The following LRBA variants were observed in gnomAD, a reference collection of about 807,000 sequenced individuals.
The protein encoded by LRBA is LPS responsive beige-like anchor protein.
In LRBA, 176 loss-of-function variants were observed where a neutral mutation model predicts 330.0. That is an observed-to-expected ratio of 0.53 (90% CI 0.47 to 0.60). The LOEUF (loss-of-function observed/expected upper bound fraction) is 0.60. Among genes scored for constraint, LRBA ranks in the 20% least tolerant of loss-of-function variants. LRBA has a pLI of 0.00. For synonymous variants in LRBA, 1,230 were observed against 1,193.0 expected, an observed-to-expected ratio of 1.03 and a Z score of -0.64; for missense variants, 3,259 against 3,444.8, an observed-to-expected ratio of 0.95 and a Z score of 1.35.
intron 33 of LRBA, among the ~76,000 whole-genome samples, chr4:150,800,450 A>T (rs938313217): frequency 1.3e-5 from 2 of 152,246 alleles, no homozygotes; most frequent in Non-Finnish European, 2.9e-5. Flanking sequence ...TAAGGAACTT[A>T]ACATCAAAAT....
intron 2 of LRBA, among the ~76,000 whole-genome samples, chr4:150,956,948 T>C (rs1022328481): frequency 6.7e-5 from 10 of 149,202 alleles, no homozygotes; most frequent in Non-Finnish European, 1.3e-4. Flanking sequence ...AGGTATTTTA[T>C]CTTAAAATAC....
At chr4:150,336,125 G>C (rs10004618) in intron 48 of LRBA, among the ~76,000 whole-genome samples, 11,939 of 152,166 alleles carry the variant, frequency 0.078, 784 homozygotes, top group South Asian at 0.21. Context: ...GTAAACTTGT[G>C]TCCTGGGGGT....
At chr4:150,846,629 T>G (rs1202146577) in intron 26 of LRBA, among the ~76,000 whole-genome samples, 3 of 152,116 alleles carry the variant, frequency 2.0e-5, no homozygotes, top group Non-Finnish European at 4.4e-5. Context: ...ACAATGTGTG[T>G]TATTCATGTG....
chr4:150,944,543 C>G (rs1482754743), intron 2 of LRBA, among the ~76,000 whole-genome samples: 1 of 151,340 alleles, frequency 6.6e-6, no homozygotes, highest in Non-Finnish European at 1.5e-5. Context: ...CAAAGTCTAT[C>G]AGACAAAACT....
At chr4:150,839,025 T>A (rs1038497515) in intron 28 of LRBA, among the ~76,000 whole-genome samples, 6 of 151,882 alleles carry the variant, frequency 4.0e-5, no homozygotes, top group Non-Finnish European at 7.4e-5. Flanking sequence ...AATCTACAAA[T>A]AACTCAAACA....
At position 150,697,335 on chromosome 4, in the gene LRBA, A is replaced by G. The variant is rs1284742533; in HGVS notation, c.5755-13618T>C. Among the ~76,000 whole-genome samples the G allele has an allele frequency of 1.3e-3, 198 of 147,246 alleles. 2 individuals carry two copies. Among genetic ancestry groups the G allele is most frequent in the African/African-American group, 4.6e-3 (184 of 39,968 alleles). ...TGAGACTTTGTCTCAGAAAAAAAAAAAAAAAAAAAAAAAAAACAGGGAGAG... is the reference window on the plus strand; with the variant it reads ...TGAGACTTTGTCTCAGAAAAAAAAAGAAAAAAAAAAAAAAAACAGGGAGAG... On this transcript the variant is annotated intron_variant, in intron 36 of 56. Coordinates refer to ENST00000651943, the MANE Select transcript of LRBA (RefSeq NM_001364905.1).
intron 39 of LRBA, among the ~76,000 whole-genome samples, chr4:150,588,773 A>T (rs1310331121): frequency 2.6e-5 from 4 of 152,214 alleles, no homozygotes; most frequent in Non-Finnish European, 5.9e-5. Flanking sequence ...CTTCCTTTCC[A>T]CTGTTAAGTA....
rs747734678 is a variant in LRBA at position 150,277,969 on chromosome 4, G to A, written c.8352C>T (p.Leu2784=). ...IQLSRDGQYL[L]TGGDRGVVVV... ...CGACCACTCCTCTGTCTCCTCCTGTGAGCAGGTACTGCCCATCTCGGCTCA... is the reference window on the plus strand; with the variant it reads ...CGACCACTCCTCTGTCTCCTCCTGTAAGCAGGTACTGCCCATCTCGGCTCA... Residue 2784 remains leucine (L), a synonymous_variant, in exon 56 of 57, where the codon CTC becomes CTT. Coordinates refer to ENST00000651943, the MANE Select transcript of LRBA (RefSeq NM_001364905.1). The A allele has an allele frequency of 2.5e-6, 4 of 1,614,074 alleles. No homozygotes were observed. The highest frequency in any genetic ancestry group is 2.2e-5 in the South Asian group (2 of 91,074).
intron 44 of LRBA, among the ~76,000 whole-genome samples, chr4:150,443,717 G>A (rs1031813909): frequency 6.6e-6 from 1 of 151,676 alleles, no homozygotes; most frequent in African/African-American, 2.4e-5. Context: ...GCAGGGGGGA[G>A]GGATAGCATT....
At chr4:150,825,379 AG>A (rs989356688) in intron 30 of LRBA, among the ~76,000 whole-genome samples, 3 of 151,708 alleles carry the variant, frequency 2.0e-5, no homozygotes, top group Admixed American at 6.6e-5. Context: ...TTTATGGGGC[AG>A]GGGGGGAAGG....
At chr4:150,750,928 A>G (rs984549079) in intron 35 of LRBA, among the ~76,000 whole-genome samples, 3 of 149,556 alleles carry the variant, frequency 2.0e-5, no homozygotes, top group African/African-American at 7.5e-5. Flanking sequence ...AAAAAAAAAA[A>G]GGACTAAAAA....
chr4:150,715,346 C>A (rs1409509502), intron 36 of LRBA, among the ~76,000 whole-genome samples: 1 of 152,052 alleles, frequency 6.6e-6, no homozygotes, highest in African/African-American at 2.4e-5. Context: ...TGGTGGTGGT[C>A]CTGAACAGTT....
intron 55 of LRBA, 52 bp downstream of exon 55, chr4:150,282,398 A>G: frequency 6.6e-7 from 1 of 1,510,298 alleles, no homozygotes; most frequent in Non-Finnish European, 9.1e-7. Flanking sequence ...TCCCCACTTG[A>G]CACACGTTGA....
At position 150,818,532 on chromosome 4, in the gene LRBA, C is replaced by CTGTGTGTGTGTGTG. The variant is rs74479974; in HGVS notation, c.5172-1289_5172-1276dup. Among the ~76,000 whole-genome samples, 329 of 145,894 alleles carry CTGTGTGTGTGTGTG rather than the reference C, an allele frequency of 2.3e-3. 1 individual carries two copies. Among genetic ancestry groups the CTGTGTGTGTGTGTG allele is most frequent in the East Asian group, 6.7e-3 (33 of 4,892 alleles). On this transcript the variant is annotated intron_variant, in intron 30 of 56. Transcript: ENST00000651943. Reference sequence around the variant, plus strand: ...AAGGGGGAGTAGATATGACGAATGTCTGTGTGTGTGTGTGTGTGTGTGTGT... The same window carrying CTGTGTGTGTGTGTG: ...AAGGGGGAGTAGATATGACGAATGTCTGTGTGTGTGTGTGTGTGTGTGTGTGTGTGTGTGTGTGT...
At chr4:150,400,611 T>C (rs2151926536) in intron 47 of LRBA, among the ~76,000 whole-genome samples, 1 of 152,270 alleles carries the variant, frequency 6.6e-6, no homozygotes, top group South Asian at 2.1e-4. Flanking sequence ...CCCAGCACTT[T>C]GGGAGGACAA....
intron 34 of LRBA, among the ~76,000 whole-genome samples, chr4:150,783,851 A>G (rs1162840685): frequency 1.3e-5 from 2 of 152,254 alleles, no homozygotes; most frequent in African/African-American, 4.8e-5. Context: ...AATGAAAATA[A>G]AACAGCTATT....
intron 35 of LRBA, among the ~76,000 whole-genome samples, chr4:150,756,640 G>A (rs72959888): frequency 0.026 from 3,894 of 152,000 alleles, 134 homozygotes; most frequent in African/African-American, 0.084. Flanking sequence ...AAGACAAATC[G>A]AATACACAAA....
chr4:150,895,518 G>C (rs1365030524), intron 16 of LRBA, among the ~76,000 whole-genome samples: 1 of 152,052 alleles, frequency 6.6e-6, no homozygotes, highest in Non-Finnish European at 1.5e-5. Flanking sequence ...CCACCTATGA[G>C]TGAGAACATG....
chr4:150,319,115 T>G (rs569458110), intron 50 of LRBA, among the ~76,000 whole-genome samples: 68 of 152,270 alleles, frequency 4.5e-4, no homozygotes, highest in African/African-American at 1.6e-3. Flanking sequence ...TCTTAAATGC[T>G]TAGGGTTATC....
Sources: gnomAD v4.1 joint callset for allele counts (sites outside exome capture counted in the v4.1 genomes callset) on GRCh38, gnomAD v4.1.1 for gene constraint, MANE v1.5 for transcripts, NCBI Gene and HGNC (gene_info 2026-07-23, HGNC 2026-07-21) for gene names.